Variants in HDAC9 observed in about 807,000 individuals in gnomAD.
HDAC9 encodes the protein histone deacetylase 9.
HDAC9 carries 41 observed loss-of-function variants against 139.4 expected under a neutral mutation model. That is an observed-to-expected ratio of 0.29 (90% confidence interval 0.23 to 0.38). The LOEUF (loss-of-function observed/expected upper bound fraction) is 0.38. Ranked by LOEUF, HDAC9 falls within the 10% of genes least tolerant of loss-of-function variation. The probability of loss-of-function intolerance (pLI) is 1.00; values close to 1 mark genes in which losing one functional copy is unlikely to be tolerated. For synonymous variants in HDAC9, 517 were observed against 476.2 expected (o/e 1.09, Z -1.12); for missense variants, 1,147 against 1,297.0 (o/e 0.88, Z 1.78).
intron 2 of HDAC9, among the ~76,000 whole-genome samples, chr7:18,270,418 T>G (rs1442773790): frequency 6.6e-6 from 1 of 152,180 alleles, no homozygotes; most frequent in African/African-American, 2.4e-5. Flanking sequence ...GCTACATTAC[T>G]TATAAAAAGC....
intron 13 of HDAC9, among the ~76,000 whole-genome samples, chr7:18,731,669 A>T (rs1562890438): frequency 6.6e-6 from 1 of 152,306 alleles, no homozygotes; most frequent in East Asian, 1.9e-4. Flanking sequence ...CTTGTTGCCT[A>T]GGCTGGAGTG....
intron 24 of HDAC9, among the ~76,000 whole-genome samples, chr7:18,967,510 A>ACCCCC (rs1306367100): frequency 4.4e-5 from 6 of 137,496 alleles, no homozygotes; most frequent in African/African-American, 1.6e-4. Context: ...CCCCCCCAAA[A>ACCCCC]AAAAAAAAGC....
At chr7:18,652,039 A>T (rs1397627856) in intron 11 of HDAC9, among the ~76,000 whole-genome samples, 1 of 152,182 alleles carries the variant, frequency 6.6e-6, no homozygotes, top group Non-Finnish European at 1.5e-5. Flanking sequence ...CAAGGCTTAC[A>T]ACATTTGATC....
At chr7:18,707,724 C>T (rs1324089592) in intron 12 of HDAC9, among the ~76,000 whole-genome samples, 3 of 148,008 alleles carry the variant, frequency 2.0e-5, no homozygotes, top group Non-Finnish European at 4.4e-5. Context: ...AATTAATCTC[C>T]AAATGTTCTA....
At chr7:18,310,037 T>C (rs1409859743) in intron 1 of HDAC9, among the ~76,000 whole-genome samples, 6 of 151,982 alleles carry the variant, frequency 3.9e-5, no homozygotes, top group African/African-American at 1.2e-4. Context: ...AGCCCAGCCA[T>C]CTAGATTTTT....
intron 1 of HDAC9, among the ~76,000 whole-genome samples, chr7:18,310,824 A>G (rs1236049894): frequency 6.6e-6 from 1 of 151,016 alleles, no homozygotes; most frequent in African/African-American, 2.4e-5. Context: ...ACACACACAC[A>G]CACACACACA....
intron 7 of HDAC9, among the ~76,000 whole-genome samples, chr7:18,631,980 A>G (rs1305343485): frequency 6.6e-6 from 1 of 151,788 alleles, no homozygotes; most frequent in Non-Finnish European, 1.5e-5. Flanking sequence ...CTTCAGTCTT[A>G]ATATCATAAA....
intron 2 of HDAC9, among the ~76,000 whole-genome samples, chr7:18,561,487 A>G (rs1820579291): frequency 6.6e-6 from 1 of 152,212 alleles, no homozygotes; most frequent in African/African-American, 2.4e-5. Context: ...TGTACAATTG[A>G]GTATATTTTA....
rs754929638 is a variant in HDAC9 at position 18,996,241 on chromosome 7, C to T, written c.*179C>T. The T allele has an allele frequency of 1.9e-5, 10 of 535,640 alleles. No homozygotes were observed. Among genetic ancestry groups the T allele is most frequent in the Admixed American group, 6.7e-5 (2 of 29,792 alleles). 33.2% of individuals were successfully genotyped at this position (535,640 alleles called of 1,614,324 possible). Reference sequence around the variant, plus strand: ...TGTTCTTTGGATGGACTTGAAAGGGCATTAAAGATTCCTTAAACGTAACCG... The same window carrying T: ...TGTTCTTTGGATGGACTTGAAAGGGTATTAAAGATTCCTTAAACGTAACCG... On this transcript the variant is annotated 3_prime_UTR_variant, in exon 26 of 26. Coordinates refer to ENST00000686413, the MANE Select transcript of HDAC9 (RefSeq NM_178425.4).
At chr7:18,875,803 G>A (rs10237149) in intron 22 of HDAC9, among the ~76,000 whole-genome samples, 66,368 of 151,942 alleles carry the variant, frequency 0.44, 14,822 homozygotes, top group South Asian at 0.56. Context: ...TCTTTCCATC[G>A]CAGATAAACC....
At chr7:18,691,478 G>T (rs1782670155) in intron 12 of HDAC9, among the ~76,000 whole-genome samples, 1 of 151,910 alleles carries the variant, frequency 6.6e-6, no homozygotes. Context: ...TTTTCCGTGG[G>T]CTGTTAATGT....
At chr7:18,197,321 T>C (rs1168361424) in intron 2 of HDAC9, among the ~76,000 whole-genome samples, 1 of 151,902 alleles carries the variant, frequency 6.6e-6, no homozygotes, top group Non-Finnish European at 1.5e-5. Context: ...GCCACAGGAG[T>C]TGAGAAAGGA....
rs530517729 is a variant in HDAC9 at position 18,509,312 on chromosome 7, C to T, written c.22+12988C>T. 9 of 985,414 alleles carry T rather than the reference C, an allele frequency of 9.1e-6. No homozygotes were observed. The African/African-American group carries it at 1.0e-4, about 11-fold the overall frequency. The allele number at this position is 985,414 out of a possible 1,614,324, so 61.0% of individuals were successfully genotyped here. A position where few individuals can be genotyped will look rare whatever the true frequency, so the allele number is the denominator to read the frequency against. On this transcript the variant is annotated intron_variant, in intron 2 of 25. Coordinates refer to ENST00000686413, the MANE Select transcript of HDAC9 (RefSeq NM_178425.4). Reference sequence around the variant, plus strand: ...TGCCTTGTGGAAGGGGTGGGGAAGCCTTTATCAATGGGTAGGTGGGAGAAC... The same window carrying T: ...TGCCTTGTGGAAGGGGTGGGGAAGCTTTTATCAATGGGTAGGTGGGAGAAC...
chr7:18,252,960 C>T (rs1046976954), intron 2 of HDAC9, among the ~76,000 whole-genome samples: 2 of 152,114 alleles, frequency 1.3e-5, no homozygotes, highest in Admixed American at 1.3e-4. Context: ...TCTATCTGTC[C>T]GTGTGTTCTC....
At chr7:18,977,578 T>A (rs750322735) in intron 25 of HDAC9, among the ~76,000 whole-genome samples, 1 of 152,170 alleles carries the variant, frequency 6.6e-6, no homozygotes, top group Non-Finnish European at 1.5e-5. Context: ...ATAGTGTGCT[T>A]GACTCATGGT....
At chr7:18,520,404 T>C (rs376736647) in intron 2 of HDAC9, among the ~76,000 whole-genome samples, 2 of 152,154 alleles carry the variant, frequency 1.3e-5, no homozygotes, top group East Asian at 3.8e-4. Context: ...TTAATATTAC[T>C]TTGCAACACA....
chr7:18,695,876 A>G (rs1302481329), intron 12 of HDAC9, among the ~76,000 whole-genome samples: 1 of 152,116 alleles, frequency 6.6e-6, no homozygotes, highest in Non-Finnish European at 1.5e-5. Flanking sequence ...ATGGACCTAG[A>G]TGCAGTTTTG....
At chr7:18,101,663 A>G (rs1386760230) in intron 1 of HDAC9, among the ~76,000 whole-genome samples, 1 of 152,222 alleles carries the variant, frequency 6.6e-6, no homozygotes, top group Non-Finnish European at 1.5e-5. Context: ...ATTTTATATT[A>G]CAAGCATATT....
chr7:18,458,350 C>T (rs1322653015), intron 1 of HDAC9, among the ~76,000 whole-genome samples: 1 of 152,158 alleles, frequency 6.6e-6, no homozygotes, highest in Admixed American at 6.6e-5. Flanking sequence ...ATGGCTAATG[C>T]TTCTGATAGA....
Sources: gnomAD v4.1 joint callset for allele counts (sites outside exome capture counted in the v4.1 genomes callset) on GRCh38, gnomAD v4.1.1 for gene constraint, MANE v1.5 for transcripts, NCBI Gene and HGNC (gene_info 2026-07-23, HGNC 2026-07-21) for gene names.